The following RSPH14 variants were observed in gnomAD, a reference collection of about 807,000 sequenced individuals.
The protein encoded by RSPH14 is rhabdoid tumor deletion region gene 1.
In RSPH14, 20 loss-of-function variants were observed where a neutral mutation model predicts 26.7. The observed-to-expected ratio is 0.75, with a 90% CI of 0.53 to 1.09. The LOEUF (loss-of-function observed/expected upper bound fraction) is 1.09. Among genes scored for constraint, RSPH14 ranks in the 50% least tolerant of loss-of-function variants. The pLI is 0.00. For synonymous variants in RSPH14, 177 were observed against 189.3 expected (o/e 0.93, Z 0.53); for missense variants, 449 against 457.2 (o/e 0.98, Z 0.16).
the RSPH14 span, among the ~76,000 whole-genome samples, chr22:23,170,460 T>A: frequency 9.9e-5 from 15 of 152,120 alleles, no homozygotes; most frequent in Non-Finnish European, 4.4e-5. Context: ...AAAAGGCCAC[T>A]AATCCCAGCC....
intron 3 of RSPH14, among the ~76,000 whole-genome samples, chr22:23,135,157 C>CTAGA (rs1395476511): frequency 6.6e-6 from 1 of 151,922 alleles, no homozygotes; most frequent in Admixed American, 6.6e-5. Flanking sequence ...GATGACAGAG[C>CTAGA]TAGACCTTGT....
chr22:23,064,064 TCCTCCA>T lies in RSPH14; in HGVS notation c.485_490del (p.Val162_Glu163del). 6.2e-7 allele frequency: 1 copy of T among 1,614,102 alleles called. No homozygotes were observed. Among genetic ancestry groups the T allele is most frequent in the Admixed American group, 1.7e-5 (1 of 60,034 alleles). On this transcript the variant is annotated inframe_deletion, in exon 5 of 7. Coordinates refer to ENST00000216036, the MANE Select transcript of RSPH14 (RefSeq NM_014433.3). ...CAGGATGAACTCCTGGAACTCCTCC[TCCTCCA>T]CCTCCACCTGCAGCTTCCATACCAG... is the stretch of plus-strand genomic sequence containing the variant.
intron 4 of RSPH14, among the ~76,000 whole-genome samples, chr22:23,089,273 C>T (rs2068896342): frequency 6.6e-6 from 1 of 152,212 alleles, no homozygotes; most frequent in Admixed American, 6.5e-5. Flanking sequence ...CTTCTTCTGC[C>T]TCAGCCGGGG....
the RSPH14 span, among the ~76,000 whole-genome samples, chr22:23,175,596 C>T: frequency 1.3e-4 from 20 of 152,364 alleles, no homozygotes; most frequent in Non-Finnish European, 5.9e-5. Flanking sequence ...GCTGGGATTA[C>T]AGGCGTGAGC....
intron 4 of RSPH14, among the ~76,000 whole-genome samples, chr22:23,111,596 G>A (rs1210482512): frequency 6.6e-6 from 1 of 152,226 alleles, no homozygotes; most frequent in African/African-American, 2.4e-5. Flanking sequence ...AGAACCCAGT[G>A]ACCATCTTGG....
intron 4 of RSPH14, among the ~76,000 whole-genome samples, chr22:23,093,884 C>T (rs1217991772): frequency 6.6e-6 from 1 of 152,168 alleles, no homozygotes; most frequent in Non-Finnish European, 1.5e-5. Flanking sequence ...AGAACCTCTG[C>T]CCAGGGAGAG....
intron 4 of RSPH14, among the ~76,000 whole-genome samples, chr22:23,107,603 G>A (rs1288220403): frequency 6.6e-6 from 1 of 152,162 alleles, no homozygotes; most frequent in Non-Finnish European, 1.5e-5. Context: ...GGGGTGTAGG[G>A]AGCAGAAGCT....
chr22:23,178,402 T>G, the RSPH14 span, among the ~76,000 whole-genome samples: 1 of 139,244 alleles, frequency 7.2e-6, no homozygotes, highest in Non-Finnish European at 1.5e-5. Flanking sequence ...GGCAACAGTG[T>G]GAGACTCCGT....
the RSPH14 span, chr22:23,164,498 A>G: frequency 6.6e-6 from 1 of 152,012 alleles, no homozygotes; most frequent in African/African-American, 2.4e-5. Flanking sequence ...TTGATGCAGC[A>G]TCTTCTCGGT....
intron 4 of RSPH14, among the ~76,000 whole-genome samples, chr22:23,110,070 A>T (rs957197156): frequency 1.6e-4 from 24 of 152,222 alleles, no homozygotes; most frequent in Middle Eastern, 3.2e-3. Flanking sequence ...GACCCTGGTC[A>T]TCCAGCTCTG....
chr22:23,099,305 A>G (rs558798002), intron 4 of RSPH14, among the ~76,000 whole-genome samples: 1 of 152,372 alleles, frequency 6.6e-6, no homozygotes, highest in East Asian at 1.9e-4. Flanking sequence ...AGCGAGCCAC[A>G]TGGGGAGCCA....
the RSPH14 span, chr22:23,179,899 T>G: frequency 2.8e-5 from 7 of 246,850 alleles, no homozygotes; most frequent in South Asian, 2.6e-4. Flanking sequence ...GGCCAGGCTG[T>G]GAGGTGTGAG....
chr22:23,123,493 G>A (rs944337808), intron 4 of RSPH14: 39 of 1,093,712 alleles, frequency 3.6e-5, no homozygotes, highest in South Asian at 7.1e-5. Context: ...GCCCCAACGC[G>A]TGCTAGAGAG....
intron 4 of RSPH14, among the ~76,000 whole-genome samples, chr22:23,126,065 T>C (rs1299285177): frequency 1.3e-5 from 2 of 152,252 alleles, no homozygotes; most frequent in East Asian, 1.9e-4. Flanking sequence ...GAGGGGCTTT[T>C]GTTTCTGAAG....
At chr22:23,146,965 G>A (rs1346472588), upstream of RSPH14, among the ~76,000 whole-genome samples, 1 of 152,196 alleles carries the variant, frequency 6.6e-6, no homozygotes, top group East Asian at 1.9e-4. Context: ...CTGTCATTAA[G>A]CTGTGTGGCT....
chr22:23,137,082 C>T lies in RSPH14; in HGVS notation c.302+1758G>A, dbSNP rs535421187. On this transcript the variant is annotated intron_variant, in intron 3 of 6. Coordinates refer to ENST00000216036, the MANE Select transcript of RSPH14 (RefSeq NM_014433.3). The stretch of plus-strand genomic sequence containing the variant: ...CACACATGCACGGTTCACACAGGGC[C>T]GGGGCTGCACACAGGATCAGCCACC... Among the ~76,000 whole-genome samples the T allele has an allele frequency of 3.3e-4, 46 of 138,680 alleles. 14 individuals are homozygous for T. The highest frequency in any genetic ancestry group is 6.6e-4 in the Non-Finnish European group (41 of 62,224). 91.0% of individuals were successfully genotyped at this position (138,680 alleles called of 152,430 possible).
At chr22:23,170,106 A>G in the RSPH14 span, among the ~76,000 whole-genome samples, 3 of 151,640 alleles carry the variant, frequency 2.0e-5, no homozygotes, top group Non-Finnish European at 4.4e-5. Context: ...AAAAAAAAAA[A>G]AAAGCAAAAA....
At chr22:23,062,466 C>CCCCTAA (rs1180182390) in intron 5 of RSPH14, among the ~76,000 whole-genome samples, 4 of 152,160 alleles carry the variant, frequency 2.6e-5, no homozygotes, top group African/African-American at 9.7e-5. Flanking sequence ...GAGAGAGGGT[C>CCCCTAA]AATTCTGTCC....
the RSPH14 span, among the ~76,000 whole-genome samples, chr22:23,172,848 G>A: frequency 2.5e-3 from 384 of 151,834 alleles, 3 homozygotes; most frequent in African/African-American, 8.9e-3. Flanking sequence ...TACTCGGGAG[G>A]CTGAGGCAGG....
Sources: allele counts gnomAD v4.1 joint callset (sites outside exome capture counted in the v4.1 genomes callset), GRCh38; gene constraint gnomAD v4.1.1; transcripts MANE v1.5; gene names NCBI Gene and HGNC (gene_info 2026-07-23, HGNC 2026-07-21).